Variants in CA5A observed in about 807,000 individuals in gnomAD.
CA5A encodes carbonic anhydrase 5A, mitochondrial.
Under a neutral mutation model 37.1 loss-of-function variants are expected in CA5A, and 28 were observed. The observed-to-expected ratio is 0.75, with a 90% CI of 0.56 to 1.03. The LOEUF is 1.03. CA5A is among the 50% of genes least tolerant of loss of function. CA5A has a pLI of 0.00. For synonymous variants in CA5A, 171 were observed against 158.4 expected (o/e 1.08, Z -0.60); for missense variants, 444 against 399.9 (o/e 1.11, Z -0.94).
intron 2 of CA5A, 68 bp downstream of exon 2, chr16:87,926,680 G>A (rs1466177698): frequency 1.0e-5 from 13 of 1,269,788 alleles, no homozygotes; most frequent in African/African-American, 2.9e-5. Context: ...CCTTCTCCGC[G>A]AAGCTCTTGA....
intron 1 of CA5A, among the ~76,000 whole-genome samples, chr16:87,930,630 C>T (rs894126425): frequency 3.3e-5 from 5 of 151,782 alleles, no homozygotes; most frequent in African/African-American, 7.3e-5. Context: ...GAGGAGAGAG[C>T]GGTGGGGACT....
Position 87,911,218 on chromosome 16 carries a change from C to G in CA5A, c.341-6314G>C, listed in dbSNP as rs568133512. Among the ~76,000 whole-genome samples, 20 of 152,146 alleles carry G rather than the reference C, an allele frequency of 1.3e-4. No individual in the cohort carries two copies. Among genetic ancestry groups the G allele is most frequent in the Non-Finnish European group, 2.6e-4 (18 of 68,036 alleles). On this transcript the variant is annotated intron_variant, in intron 2 of 6. Transcript: ENST00000649794. This position sits in a 1 kb window ranked among gnomAD's most constrained non-coding sequence, Gnocchi z 4.6. ...CTGGTCCACCGGGCAGCACTGGCCACTGTTGCCTCAGCGTTCTGTGTAAGC... is the reference window on the plus strand; with the variant it reads ...CTGGTCCACCGGGCAGCACTGGCCAGTGTTGCCTCAGCGTTCTGTGTAAGC...
intron 5 of CA5A, among the ~76,000 whole-genome samples, chr16:87,897,257 G>A (rs1463163033): frequency 1.3e-5 from 2 of 152,272 alleles, no homozygotes; most frequent in Admixed American, 1.3e-4. Context: ...TGTTGCGAAG[G>A]CAGGGAGGAG....
chr16:87,887,910 C>G, downstream of CA5A: 1 of 547,718 alleles, frequency 1.8e-6, no homozygotes, highest in Non-Finnish European at 3.0e-6. Context: ...CCTGCACTTG[C>G]GTTGGGTGCC....
chr16:87,911,858 A>C lies in CA5A; in HGVS notation c.341-6954T>G, dbSNP rs1027043825. Among the ~76,000 whole-genome samples the C allele has an allele frequency of 6.6e-6, 1 of 152,196 alleles. No individual in the cohort carries two copies. Among genetic ancestry groups the C allele is most frequent in the African/African-American group, 2.4e-5 (1 of 41,454 alleles). ...GCCCAGACTAGACGTTTATAAAAGGATAATGATGCCTACTTCAGGGGCCCA... is the reference window on the plus strand; with the variant it reads ...GCCCAGACTAGACGTTTATAAAAGGCTAATGATGCCTACTTCAGGGGCCCA... On this transcript the variant is annotated intron_variant, in intron 2 of 6. Transcript: ENST00000649794. The surrounding 1 kb of genome is among the most constrained non-coding windows in gnomAD (Gnocchi z 4.6).
At chr16:87,909,376 A>G (rs752004267) in intron 2 of CA5A, among the ~76,000 whole-genome samples, 2 of 152,190 alleles carry the variant, frequency 1.3e-5, no homozygotes, top group Non-Finnish European at 1.5e-5. Flanking sequence ...GGAAAACCCA[A>G]AAAGGCTACT....
chr16:87,925,868 C>T (rs972761492), intron 2 of CA5A, among the ~76,000 whole-genome samples: 1 of 152,146 alleles, frequency 6.6e-6, no homozygotes, highest in Non-Finnish European at 1.5e-5. Flanking sequence ...CCTATTTAAC[C>T]CCTGCTCCCC....
chr16:87,883,163 G>C (rs181208214), downstream of CA5A: 1 of 152,170 alleles, frequency 6.6e-6, no homozygotes, highest in African/African-American at 2.4e-5. Flanking sequence ...TGGGATTATA[G>C]GTGCGTGCCA....
At chr16:87,919,605 C>A (rs1239065541) in intron 2 of CA5A, among the ~76,000 whole-genome samples, 1 of 152,164 alleles carries the variant, frequency 6.6e-6, no homozygotes. Context: ...TGGCAGTCGA[C>A]GACCCCTGCA....
At chr16:87,893,130 C>CTTT (rs1420758422) in intron 5 of CA5A, 9 of 507,882 alleles carry the variant, frequency 1.8e-5, no homozygotes, top group Non-Finnish European at 2.7e-5. Flanking sequence ...TTCTTCCTTT[C>CTTT]TTTCTTTCTT....
chr16:87,903,036 T>TG (rs142644010), intron 3 of CA5A, among the ~76,000 whole-genome samples: 5,836 of 150,640 alleles, frequency 0.039, 380 homozygotes, highest in African/African-American at 0.13. Context: ...GTCTTCCTGG[T>TG]GGGGGGGGAA....
At chr16:87,919,304 C>T (rs113095727) in intron 2 of CA5A, among the ~76,000 whole-genome samples, 5,885 of 152,300 alleles carry the variant, frequency 0.039, 241 homozygotes, top group South Asian at 0.21. Flanking sequence ...ACAGCGTCCT[C>T]GGCTGTCCTG....
At chr16:87,888,365 G>C in intron 6 of CA5A, 93 bp from the exon 7 acceptor site, 1 of 1,111,360 alleles carries the variant, frequency 9.0e-7, no homozygotes, top group Non-Finnish European at 1.3e-6. Context: ...CCCCTCCCAT[G>C]CTGAATCAGG....
chr16:87,927,068 C>A, intron 1 of CA5A, 123 bp from the exon 2 acceptor site: 3 of 705,798 alleles, frequency 4.3e-6, no homozygotes, highest in Non-Finnish European at 7.1e-6. Context: ...AACTGACCCA[C>A]GGGAAACGGG....
At chr16:87,882,339 C>A (rs892668941) in intron 4 of CA5A, 2 of 152,212 alleles carry the variant, frequency 1.3e-5, no homozygotes, top group African/African-American at 4.8e-5. Flanking sequence ...CTCTTTGCTG[C>A]GCTTTTTCCT....
At chr16:87,892,167 G>C in intron 5 of CA5A, 1 of 464,786 alleles carries the variant, frequency 2.2e-6, no homozygotes, top group Non-Finnish European at 3.7e-6. Flanking sequence ...ACATTGGTGG[G>C]AATTACGTTA....
intron 5 of CA5A, among the ~76,000 whole-genome samples, chr16:87,895,136 G>A (rs538612398): frequency 1.3e-5 from 2 of 152,326 alleles, no homozygotes; most frequent in African/African-American, 4.8e-5. Context: ...TGTGGTCCCA[G>A]GTAGTTGGGA....
At chr16:87,918,451 A>G (rs148105634) in intron 2 of CA5A, among the ~76,000 whole-genome samples, 157 of 143,002 alleles carry the variant, frequency 1.1e-3, no homozygotes, top group Non-Finnish European at 1.8e-3. Flanking sequence ...GCTCCCTGGA[A>G]AGAGCCCTTG....
At chr16:87,926,460 G>A (rs2056312377) in intron 2 of CA5A, among the ~76,000 whole-genome samples, 1 of 152,220 alleles carries the variant, frequency 6.6e-6, no homozygotes, top group African/African-American at 2.4e-5. Flanking sequence ...CCCACCCGCT[G>A]CAAGGCGAGC....
Sources: allele counts gnomAD v4.1 joint callset (sites outside exome capture counted in the v4.1 genomes callset), GRCh38; gene constraint gnomAD v4.1.1; non-coding constraint Gnocchi (gnomAD v3.1); transcripts MANE v1.5; gene names NCBI Gene and HGNC (gene_info 2026-07-23, HGNC 2026-07-21).